The following XPO7 variants were observed in gnomAD, a reference collection of about 807,000 sequenced individuals.
XPO7 encodes the protein exportin 7, also known as exportin-7.
In XPO7, 21 loss-of-function variants were observed where a neutral mutation model predicts 144.3. That is an observed-to-expected ratio of 0.15 (90% confidence interval 0.10 to 0.21). The LOEUF (loss-of-function observed/expected upper bound fraction) is 0.21. Ranked by LOEUF, XPO7 falls within the 10% of genes least tolerant of loss-of-function variation. The probability of loss-of-function intolerance (pLI) is 1.00; values close to 1 mark genes in which losing one functional copy is unlikely to be tolerated. For synonymous variants in XPO7, 580 were observed against 499.6 expected (o/e 1.16, Z -2.15); for missense variants, 808 against 1,325.8 (o/e 0.61, Z 6.06).
Position 21,976,320 on chromosome 8 carries a change from T to C in XPO7, c.598-36T>C, listed in dbSNP as rs766477226. On this transcript the variant is annotated intron_variant, in intron 6 of 27. Transcript: ENST00000252512. ...TGGGAGCAAGCTGGGAAGAGAGGAG[T>C]GATTTTGGGGACTCATTATGTGGTA... 3.1e-6 allele frequency: 5 copies of C among 1,597,484 alleles called. No individual in the cohort carries two copies. The East Asian group carries it at 1.1e-4, about 36-fold the overall frequency.
intron 2 of XPO7, 36 bp downstream of exon 2, chr8:21,967,039 C>T (rs750217656): frequency 5.0e-6 from 8 of 1,590,390 alleles, no homozygotes; most frequent in Middle Eastern, 1.7e-4. Context: ...GGATAACAGG[C>T]GCTTCGGAAA....
rs1361149098 is a variant in XPO7 at position 21,987,214 on chromosome 8, C to T, written c.1651C>T (p.Leu551=). The change falls in exon 14 of 28, where the codon CTG becomes TTG. Residue 551 remains leucine, a synonymous_variant. Transcript: ENST00000252512. The stretch of plus-strand genomic sequence containing the variant: ...TAATGAGAAGCTAGAGTTGGCCATG[C>T]TGAGCTTTTTTGAACAGTTTCGTAA... The part of the protein sequence containing the change: ...AGNEKLELAM[L]SFFEQFRKIY... 2 of 1,614,000 alleles carry T rather than the reference C, an allele frequency of 1.2e-6. No individual in the cohort carries two copies. Among genetic ancestry groups the T allele is most frequent in the Admixed American group, 1.7e-5 (1 of 60,030 alleles).
chr8:21,966,162 G>A (rs1811876049), intron 1 of XPO7: 2 of 661,242 alleles, frequency 3.0e-6, no homozygotes, highest in Non-Finnish European at 5.5e-6. Context: ...GTTTGCTTGT[G>A]GGTGTTTCCC....
chr8:21,984,573 A>C, intron 11 of XPO7, 73 bp from the exon 12 acceptor site: 1 of 1,371,368 alleles, frequency 7.3e-7, no homozygotes, highest in Non-Finnish European at 9.8e-7. Flanking sequence ...TGAAGAAGTC[A>C]GAGAGCTGCT....
At chr8:21,928,026 A>G (rs2117242464) in intron 1 of XPO7, among the ~76,000 whole-genome samples, 1 of 152,370 alleles carries the variant, frequency 6.6e-6, no homozygotes, top group African/African-American at 2.4e-5. Context: ...AAGTGTACAA[A>G]TTGACAGATA....
In XPO7 at chr8:22,005,401, C is replaced by A. The variant is rs1029617318; in HGVS notation, c.*313C>A. On this transcript the variant is annotated 3_prime_UTR_variant, in exon 28 of 28. Coordinates refer to ENST00000252512, the MANE Select transcript of XPO7 (RefSeq NM_015024.5). ...GAGAACCCCTAGTGTCCTGCCACAA[C>A]CTGCCTTGTATAAACATGTACATTT... 2.9e-5 allele frequency: 7 copies of A among 244,080 alleles called. No individual in the cohort carries two copies. Among genetic ancestry groups the A allele is most frequent in the African/African-American group, 1.1e-4 (5 of 44,668 alleles). 15.1% of individuals were successfully genotyped at this position (244,080 alleles called of 1,614,324 possible).
At chr8:21,948,332 A>G (rs1811258489) in intron 1 of XPO7, among the ~76,000 whole-genome samples, 1 of 152,220 alleles carries the variant, frequency 6.6e-6, no homozygotes, top group Non-Finnish European at 1.5e-5. Context: ...AGGTGTTTAG[A>G]TACACAAAGA....
intron 1 of XPO7, among the ~76,000 whole-genome samples, chr8:21,959,951 A>T (rs1038312097): frequency 6.6e-6 from 1 of 152,166 alleles, no homozygotes; most frequent in African/African-American, 2.4e-5. Context: ...GTTTTAACCG[A>T]ATTTGGTGAA....
intron 27 of XPO7, 93 bp from the exon 28 acceptor site, chr8:22,004,902 T>G: frequency 1.6e-5 from 11 of 690,052 alleles, no homozygotes; most frequent in East Asian, 3.0e-5. Context: ...AATTCATACA[T>G]TCTACTTCCC....
chr8:21,920,218 G>A (rs1048246830), intron 1 of XPO7, among the ~76,000 whole-genome samples: 1 of 151,498 alleles, frequency 6.6e-6, no homozygotes, highest in Non-Finnish European at 1.5e-5. Context: ...TAACAAAAAG[G>A]AAACCTCGCG....
At position 21,919,804 on chromosome 8, in the gene XPO7, G is replaced by C. The variant is rs779636992; in HGVS notation, c.18+16G>C. ...TCATGTGCAGGTGAGAGGAGCCGCG[G>C]GGGGGAGGGGGCGACCACGAAGAGC... is the stretch of plus-strand genomic sequence containing the variant. On this transcript the variant is annotated intron_variant, in intron 1 of 27. Coordinates refer to ENST00000252512, the MANE Select transcript of XPO7 (RefSeq NM_015024.5). 14 of 494,112 alleles carry C rather than the reference G, an allele frequency of 2.8e-5. No individual in the cohort carries two copies. Among genetic ancestry groups the C allele is most frequent in the Middle Eastern group, 7.1e-4 (1 of 1,410 alleles). 30.6% of individuals were successfully genotyped at this position (494,112 alleles called of 1,614,324 possible).
chr8:21,978,407 T>C (rs114870986), intron 8 of XPO7, among the ~76,000 whole-genome samples: 5 of 152,368 alleles, frequency 3.3e-5, no homozygotes, highest in African/African-American at 9.6e-5. Flanking sequence ...GTTGGTGTTA[T>C]ACACAAAATA....
chr8:21,977,041 C>T (rs1192717338), intron 7 of XPO7, among the ~76,000 whole-genome samples: 3 of 152,114 alleles, frequency 2.0e-5, no homozygotes, highest in Non-Finnish European at 4.4e-5. Context: ...TTAAAATTGC[C>T]GATTAATAAT....
chr8:21,941,559 C>G (rs1810995670), intron 1 of XPO7, among the ~76,000 whole-genome samples: 2 of 152,128 alleles, frequency 1.3e-5, no homozygotes, highest in African/African-American at 4.8e-5. Context: ...ACAAGAAAAA[C>G]AGTGTATACA....
intron 1 of XPO7, among the ~76,000 whole-genome samples, chr8:21,955,398 G>A (rs539344918): frequency 6.6e-6 from 1 of 152,294 alleles, no homozygotes; most frequent in East Asian, 1.9e-4. Flanking sequence ...TTAAAGTACA[G>A]TGTTTGTCAA....
intron 1 of XPO7, among the ~76,000 whole-genome samples, chr8:21,940,676 C>T (rs1455994123): frequency 6.6e-6 from 1 of 152,062 alleles, no homozygotes; most frequent in East Asian, 1.9e-4. Flanking sequence ...TCCATGTTGG[C>T]CAGGCTGGTC....
intron 19 of XPO7, among the ~76,000 whole-genome samples, chr8:21,993,572 GT>G (rs1451132926): frequency 6.6e-6 from 1 of 152,140 alleles, no homozygotes; most frequent in Non-Finnish European, 1.5e-5. Flanking sequence ...CCAAGTAAAA[GT>G]TTTATTGAGA....
chr8:21,997,000 G>T (rs1812974684), intron 21 of XPO7, among the ~76,000 whole-genome samples: 1 of 152,046 alleles, frequency 6.6e-6, no homozygotes, highest in Non-Finnish European at 1.5e-5. Flanking sequence ...TAGAGACGGG[G>T]TTTCTCCGTG....
At chr8:21,948,163 A>AT (rs1811252503) in intron 1 of XPO7, among the ~76,000 whole-genome samples, 1 of 152,240 alleles carries the variant, frequency 6.6e-6, no homozygotes, top group Non-Finnish European at 1.5e-5. Context: ...CAGAGCGCAG[A>AT]TTTCACAATG....
Sources: gnomAD v4.1 joint callset for allele counts (sites outside exome capture counted in the v4.1 genomes callset) on GRCh38, gnomAD v4.1.1 for gene constraint, MANE v1.5 for transcripts, NCBI Gene and HGNC (gene_info 2026-07-23, HGNC 2026-07-21) for gene names.